Variants in FYN observed in about 807,000 individuals in gnomAD.
FYN encodes FYN proto-oncogene, Src family tyrosine kinase.
FYN carries 10 observed loss-of-function variants against 70.2 expected under a neutral mutation model. That is an observed-to-expected ratio of 0.14 (90% CI 0.09 to 0.24). The LOEUF (loss-of-function observed/expected upper bound fraction) is 0.24, where lower values mean the gene tolerates loss of function less well. Ranked by LOEUF, FYN falls within the 10% of genes least tolerant of loss-of-function variation. FYN has a pLI of 1.00. For synonymous variants in FYN, 236 were observed against 248.6 expected (o/e 0.95, Z 0.48); for missense variants, 319 against 673.1 (o/e 0.47, Z 5.82).
intron 5 of FYN, among the ~76,000 whole-genome samples, chr6:111,711,562 C>A (rs1800380113): frequency 6.6e-6 from 1 of 151,846 alleles, no homozygotes; most frequent in East Asian, 1.9e-4. Context: ...GCACATCCCA[C>A]GGTGTATGTT....
At chr6:111,731,260 C>T (rs985078594) in intron 3 of FYN, among the ~76,000 whole-genome samples, 1 of 152,214 alleles carries the variant, frequency 6.6e-6, no homozygotes, top group Non-Finnish European at 1.5e-5. Flanking sequence ...TTCTTTAATT[C>T]ACTAGTTCCA....
chr6:111,851,492 G>A (rs1284833858), intron 1 of FYN, among the ~76,000 whole-genome samples: 1 of 152,142 alleles, frequency 6.6e-6, no homozygotes, highest in Non-Finnish European at 1.5e-5. Flanking sequence ...AAGGGGAAGG[G>A]ACCCTATAAG....
At chr6:111,769,377 T>C (rs1283781176) in intron 3 of FYN, among the ~76,000 whole-genome samples, 1 of 152,216 alleles carries the variant, frequency 6.6e-6, no homozygotes, top group Non-Finnish European at 1.5e-5. Flanking sequence ...CACAACAAAC[T>C]CCAGGAGTCT....
chr6:111,830,115 G>A (rs1162309254), intron 2 of FYN, among the ~76,000 whole-genome samples: 1 of 152,212 alleles, frequency 6.6e-6, no homozygotes, highest in East Asian at 1.9e-4. Flanking sequence ...GTGAAGAGAA[G>A]TGCAAGCCTC....
rs538382624 is a variant in FYN at position 111,790,843 on chromosome 6, A to C, written c.-81-10208T>G. 2.0e-5 allele frequency among the ~76,000 whole-genome samples: 3 copies of C among 152,356 alleles called. No individual in the cohort carries two copies. In the East Asian group the frequency reaches 5.8e-4, roughly 29 times the overall value. On this transcript the variant is annotated intron_variant, in intron 2 of 13. Transcript: ENST00000354650. ...TCAAAAGAATACCTAATACCTAGGA[A>C]TAAGTCCAACAAAAGATATGTAAGA...
chr6:111,783,781 C>A (rs923249711), intron 2 of FYN, among the ~76,000 whole-genome samples: 1 of 152,250 alleles, frequency 6.6e-6, no homozygotes, highest in East Asian at 1.9e-4. Flanking sequence ...CATGGCAGCA[C>A]GCCCAGCTGG....
intron 2 of FYN, among the ~76,000 whole-genome samples, chr6:111,809,703 T>C (rs575455840): frequency 6.6e-6 from 1 of 152,366 alleles, no homozygotes; most frequent in East Asian, 1.9e-4. Flanking sequence ...CCTTCAGGCA[T>C]GGGCCTCTCT....
intron 4 of FYN, among the ~76,000 whole-genome samples, chr6:111,715,608 T>C (rs1230617910): frequency 2.0e-5 from 3 of 152,146 alleles, no homozygotes; most frequent in Non-Finnish European, 2.9e-5. Context: ...CAAGGCGCCA[T>C]GCTGGTGAGG....
At chr6:111,807,939 C>T (rs1772202011) in intron 2 of FYN, among the ~76,000 whole-genome samples, 1 of 152,074 alleles carries the variant, frequency 6.6e-6, no homozygotes, top group South Asian at 2.1e-4. Context: ...GAAACCCCAT[C>T]TCTACTAAAA....
chr6:111,820,940 C>G (rs1232766111), intron 2 of FYN, among the ~76,000 whole-genome samples: 1 of 152,044 alleles, frequency 6.6e-6, no homozygotes, highest in East Asian at 1.9e-4. Context: ...GGAAAAGGGT[C>G]AGGAAAAGAC....
At chr6:111,708,099 A>G (rs953708306) in intron 5 of FYN, 79 bp from the exon 6 acceptor site, 34 of 1,049,982 alleles carry the variant, frequency 3.2e-5, no homozygotes, top group Middle Eastern at 2.0e-4. Flanking sequence ...TCTGAAGTGT[A>G]TAACTGTCAC....
At chr6:111,744,622 T>C (rs1802125957) in intron 3 of FYN, among the ~76,000 whole-genome samples, 1 of 152,210 alleles carries the variant, frequency 6.6e-6, no homozygotes, top group South Asian at 2.1e-4. Flanking sequence ...GTCCCAGCAT[T>C]ATCACTAACC....
chr6:111,838,697 A>G (rs1583484360), intron 2 of FYN, among the ~76,000 whole-genome samples: 1 of 152,274 alleles, frequency 6.6e-6, no homozygotes, highest in African/African-American at 2.4e-5. Flanking sequence ...GGTTAGAATG[A>G]CAGCCACAAC....
chr6:111,741,648 C>G (rs746216773), intron 3 of FYN, among the ~76,000 whole-genome samples: 5 of 152,028 alleles, frequency 3.3e-5, no homozygotes, highest in Non-Finnish European at 5.9e-5. Context: ...CCACAAGATG[C>G]CAGAATTAGA....
chr6:111,775,148 T>A (rs183948452), intron 3 of FYN, among the ~76,000 whole-genome samples: 14 of 152,286 alleles, frequency 9.2e-5, no homozygotes, highest in Admixed American at 7.8e-4. Flanking sequence ...ACTATTACAG[T>A]CTTATCTCTC....
chr6:111,671,225 G>A (rs1389015597), intron 13 of FYN, among the ~76,000 whole-genome samples: 4 of 152,014 alleles, frequency 2.6e-5, no homozygotes, highest in East Asian at 3.9e-4. Context: ...TGAGATTGTC[G>A]TCTTCCCTTC....
intron 3 of FYN, among the ~76,000 whole-genome samples, chr6:111,766,883 TATA>T (rs1803246780): frequency 6.6e-6 from 1 of 152,150 alleles, no homozygotes; most frequent in Admixed American, 6.5e-5. Context: ...AGCCAAATCA[TATA>T]ATGTCTTTTC....
At chr6:111,858,922 T>C (rs1424584719) in intron 1 of FYN, among the ~76,000 whole-genome samples, 3 of 152,142 alleles carry the variant, frequency 2.0e-5, no homozygotes, top group African/African-American at 4.8e-5. Context: ...ATATTTATAT[T>C]TGAACCAAGG....
intron 5 of FYN, among the ~76,000 whole-genome samples, chr6:111,710,437 G>A (rs1324882378): frequency 6.6e-6 from 1 of 152,178 alleles, no homozygotes; most frequent in African/African-American, 2.4e-5. Context: ...GTGTAGCACA[G>A]ATCAGAATGC....
Sources: allele counts gnomAD v4.1 joint callset (sites outside exome capture counted in the v4.1 genomes callset), GRCh38; gene constraint gnomAD v4.1.1; transcripts MANE v1.5; gene names NCBI Gene and HGNC (gene_info 2026-07-23, HGNC 2026-07-21).